NREP: variants seen among roughly 807,000 people sequenced by gnomAD.
NREP encodes the protein neuronal regeneration related protein.
A neutral mutation model predicts 8.6 loss-of-function variants in NREP; 5 were observed. The ratio of observed to expected loss-of-function variants is 0.58; its 90% CI spans 0.30 to 1.22. The LOEUF (loss-of-function observed/expected upper bound fraction) is 1.22. NREP is among the 50% of genes most tolerant of loss of function. The pLI is 0.07. For missense variants in NREP, 86 were observed against 82.5 expected (o/e 1.04, Z -0.17); for synonymous variants, 27 against 28.0 (o/e 0.96, Z 0.11).
At chr5:111,924,365 T>C (rs1255233709) in intron 2 of NREP, among the ~76,000 whole-genome samples, 1 of 152,056 alleles carries the variant, frequency 6.6e-6, no homozygotes, top group Non-Finnish European at 1.5e-5. Flanking sequence ...TCCCGAAACC[T>C]TTGTGGCAAC....
At chr5:111,850,384 A>T (rs1276659956) in intron 2 of NREP, among the ~76,000 whole-genome samples, 1 of 152,060 alleles carries the variant, frequency 6.6e-6, no homozygotes, top group Non-Finnish European at 1.5e-5. Context: ...ATCTAGACTC[A>T]TTTTCAAATG....
intron 2 of NREP, among the ~76,000 whole-genome samples, chr5:111,750,839 G>A (rs765876293): frequency 7.2e-5 from 11 of 152,148 alleles, no homozygotes; most frequent in Non-Finnish European, 1.0e-4. Flanking sequence ...CCACACTGCC[G>A]GAGTGTGGCT....
chr5:111,934,368 A>C (rs555731598), intron 2 of NREP, among the ~76,000 whole-genome samples: 1 of 152,210 alleles, frequency 6.6e-6, no homozygotes, highest in East Asian at 1.9e-4. Context: ...GTATCTGGTG[A>C]AGGGAAGGTA....
intron 2 of NREP, among the ~76,000 whole-genome samples, chr5:111,929,770 C>T (rs1177606601): frequency 2.6e-5 from 4 of 152,122 alleles, no homozygotes; most frequent in African/African-American, 9.7e-5. Flanking sequence ...TTTACTTGCT[C>T]TCTGAATGGT....
At chr5:111,756,938 A>C (rs979249381) in intron 1 of NREP, among the ~76,000 whole-genome samples, 198 bp downstream of exon 1, 12 of 152,192 alleles carry the variant, frequency 7.9e-5, no homozygotes, top group African/African-American at 2.9e-4. Flanking sequence ...GAAAAAACCC[A>C]AGTTAAATTC....
At chr5:111,908,384 G>A (rs960986679) in intron 2 of NREP, among the ~76,000 whole-genome samples, 4 of 151,950 alleles carry the variant, frequency 2.6e-5, no homozygotes, top group African/African-American at 9.7e-5. Context: ...CATCACGCAG[G>A]TAGTAAGCAT....
chr5:111,758,359 A>G (rs1750865474), upstream of NREP: 1 of 697,600 alleles, frequency 1.4e-6, no homozygotes, highest in Non-Finnish European at 1.8e-6. Flanking sequence ...CTGAAATTGT[A>G]CTTTTTAAAA....
intron 3 of NREP, chr5:111,732,341 A>G (rs1208636777): frequency 6.6e-6 from 1 of 152,128 alleles, no homozygotes; most frequent in Non-Finnish European, 1.5e-5. Context: ...TACTTACTGT[A>G]CAGATTTTCC....
chr5:111,768,199 G>A (rs1448977337), intron 2 of NREP, among the ~76,000 whole-genome samples: 3 of 152,146 alleles, frequency 2.0e-5, no homozygotes, highest in African/African-American at 7.2e-5. Context: ...GAATTGGTGG[G>A]AGAGTAGAGA....
chr5:111,885,179 T>C (rs1754206675), intron 2 of NREP, among the ~76,000 whole-genome samples: 7 of 151,370 alleles, frequency 4.6e-5, no homozygotes, highest in South Asian at 4.2e-4. Context: ...TATACACCAA[T>C]AACAGACAAA....
At chr5:111,744,587 C>A (rs1749885496) in intron 2 of NREP, among the ~76,000 whole-genome samples, 1 of 152,098 alleles carries the variant, frequency 6.6e-6, no homozygotes, top group South Asian at 2.1e-4. Context: ...TGCACACCAC[C>A]TGGGTTTTCA....
intron 2 of NREP, among the ~76,000 whole-genome samples, chr5:111,814,492 G>T (rs958543626): frequency 3.3e-5 from 5 of 152,020 alleles, no homozygotes; most frequent in Non-Finnish European, 5.9e-5. Context: ...CTTTCTTTTT[G>T]CTTGATTTCT....
intron 2 of NREP, among the ~76,000 whole-genome samples, chr5:111,921,140 C>G (rs779944661): frequency 6.6e-6 from 1 of 152,072 alleles, no homozygotes; most frequent in Non-Finnish European, 1.5e-5. Flanking sequence ...GTTGATCTAC[C>G]TCTCCTCTCT....
At chr5:111,892,084 G>A (rs56109161) in intron 2 of NREP, among the ~76,000 whole-genome samples, 1,605 of 152,212 alleles carry the variant, frequency 0.011, 16 homozygotes, top group South Asian at 0.035. Context: ...AGTGAGAAAA[G>A]TAGAAAAGGA....
At chr5:111,798,308 T>C (rs529170863) in intron 2 of NREP, among the ~76,000 whole-genome samples, 87 of 152,324 alleles carry the variant, frequency 5.7e-4, no homozygotes, top group African/African-American at 2.0e-3. Context: ...GGAAATTGAC[T>C]TTTTCTAATT....
intron 2 of NREP, among the ~76,000 whole-genome samples, chr5:111,965,437 G>A (rs2112660918): frequency 6.6e-6 from 1 of 152,214 alleles, no homozygotes; most frequent in South Asian, 2.1e-4. Context: ...CATTAAATAT[G>A]ATGATGTGTA....
intron 2 of NREP, among the ~76,000 whole-genome samples, chr5:111,912,192 C>G (rs1383756719): frequency 6.6e-6 from 1 of 152,006 alleles, no homozygotes; most frequent in Non-Finnish European, 1.5e-5. Context: ...GTAACATTCT[C>G]CAGTATTTTC....
chr5:111,815,850 A>C (rs1164270880), intron 2 of NREP, among the ~76,000 whole-genome samples: 1 of 152,194 alleles, frequency 6.6e-6, no homozygotes, highest in Non-Finnish European at 1.5e-5. Flanking sequence ...AAGAAAATAC[A>C]TGTCAATTCA....
chr5:111,892,377 T>C (rs1246194116), intron 2 of NREP, among the ~76,000 whole-genome samples: 1 of 152,072 alleles, frequency 6.6e-6, no homozygotes, highest in Non-Finnish European at 1.5e-5. Flanking sequence ...ATGGGTTCCA[T>C]TAAACAGGAA....
Sources: gnomAD v4.1 joint callset for allele counts (sites outside exome capture counted in the v4.1 genomes callset) on GRCh38, gnomAD v4.1.1 for gene constraint, MANE v1.5 for transcripts, NCBI Gene and HGNC (gene_info 2026-07-23, HGNC 2026-07-21) for gene names.